Variants in MAP3K5 observed in about 807,000 individuals in gnomAD.
The protein encoded by MAP3K5 is mitogen-activated protein kinase kinase kinase 5.
Under a neutral mutation model 158.7 loss-of-function variants are expected in MAP3K5, and 56 were observed. The observed-to-expected ratio is 0.35, with a 90% confidence interval of 0.28 to 0.44. The LOEUF is 0.44. Among genes scored for constraint, MAP3K5 ranks in the 20% least tolerant of loss-of-function variants. The pLI is 1.00. For synonymous variants in MAP3K5, 579 were observed against 601.7 expected, an observed-to-expected ratio of 0.96 and a Z score of 0.55; for missense variants, 1,294 against 1,674.8, an observed-to-expected ratio of 0.77 and a Z score of 3.97.
rs374593362 is a variant in MAP3K5, at chr6:136,659,365, A to G, written c.1380T>C (p.Ser460=). The part of the protein sequence containing the change: ...FELRKVGVKL[S]SLLGKKGNLE... ...AGTTTCCCTTTTTACCAAGAAGACT[A>G]CTTAGCTTCACCCCTAGAATACAAA... The change falls in exon 9 of 30, where the codon AGT becomes AGC. Residue 460 remains serine, a synonymous_variant. Coordinates refer to ENST00000359015, the MANE Select transcript of MAP3K5 (RefSeq NM_005923.4). 3.1e-6 allele frequency: 5 copies of G among 1,613,878 alleles called. No homozygotes were observed. The highest frequency in any genetic ancestry group is 4.2e-6 in the Non-Finnish European group (5 of 1,180,008).
chr6:136,598,718 G>C lies in MAP3K5; in HGVS notation c.2878+2304C>G, dbSNP rs950664395. ...GGAGGTAGAGAACCTTGAGAGGTGG[G>C]CCTGTGCTCTGGACAGAAACACATA... On this transcript the variant is annotated intron_variant, in intron 21 of 29. Coordinates refer to ENST00000359015, the MANE Select transcript of MAP3K5 (RefSeq NM_005923.4). 3.3e-5 allele frequency among the ~76,000 whole-genome samples: 5 copies of C among 152,280 alleles called. No individual in the cohort carries two copies. In the East Asian group the frequency reaches 5.8e-4, roughly 18 times the overall value.
chr6:136,658,318 T>C (rs1168738810), intron 9 of MAP3K5, among the ~76,000 whole-genome samples: 4 of 140,234 alleles, frequency 2.9e-5, no homozygotes, highest in African/African-American at 8.0e-5. Flanking sequence ...TCTTTCTTTT[T>C]TTTTTTTTTT....
At chr6:136,692,011 A>T (rs1173007679) in intron 7 of MAP3K5, among the ~76,000 whole-genome samples, 1 of 151,950 alleles carries the variant, frequency 6.6e-6, no homozygotes, top group African/African-American at 2.4e-5. Flanking sequence ...CTTAATTATG[A>T]ATCACACTTT....
intron 1 of MAP3K5, among the ~76,000 whole-genome samples, chr6:136,752,988 A>C (rs533606213): frequency 2.0e-4 from 30 of 152,200 alleles, no homozygotes; most frequent in African/African-American, 6.7e-4. Context: ...ACCACCCCAT[A>C]GTTCTTGCCC....
At chr6:136,576,482 A>AT (rs1472860553) in intron 25 of MAP3K5, among the ~76,000 whole-genome samples, 1 of 151,788 alleles carries the variant, frequency 6.6e-6, no homozygotes, top group Admixed American at 6.6e-5. Context: ...ATTTATTTTT[A>AT]TTTTTTTAGA....
At chr6:136,730,174 GT>G (rs11347384) in intron 1 of MAP3K5, among the ~76,000 whole-genome samples, 12,197 of 71,078 alleles carry the variant, frequency 0.17, 1,562 homozygotes, top group African/African-American at 0.41. Context: ...TTTGTTTTTT[GT>G]TTTTGTAGAA....
intron 7 of MAP3K5, among the ~76,000 whole-genome samples, chr6:136,692,042 G>A (rs1191528916): frequency 6.6e-6 from 1 of 151,056 alleles, no homozygotes; most frequent in African/African-American, 2.4e-5. Flanking sequence ...CACCACTTTA[G>A]TAGTTGAGAG....
At chr6:136,583,531 A>G (rs1408567305) in intron 24 of MAP3K5, 24 bp downstream of exon 24, 2 of 1,587,310 alleles carry the variant, frequency 1.3e-6, no homozygotes, top group Admixed American at 1.8e-5. Context: ...GTGTGGGAAA[A>G]CACTGGCAAA....
chr6:136,719,738 C>T (rs1475411737), intron 2 of MAP3K5, among the ~76,000 whole-genome samples: 1 of 152,096 alleles, frequency 6.6e-6, no homozygotes, highest in East Asian at 1.9e-4. Flanking sequence ...GAGAAAAAGC[C>T]ACATGAAGCT....
intron 1 of MAP3K5, among the ~76,000 whole-genome samples, chr6:136,754,012 C>T (rs909912803): frequency 4.6e-5 from 7 of 152,190 alleles, no homozygotes; most frequent in African/African-American, 9.7e-5. Flanking sequence ...CAGTGGCTCA[C>T]GCCTGTAATC....
intron 25 of MAP3K5, among the ~76,000 whole-genome samples, chr6:136,573,776 G>T (rs1173036157): frequency 2.0e-5 from 3 of 152,158 alleles, no homozygotes; most frequent in South Asian, 2.1e-4. Flanking sequence ...GAAAGACTGG[G>T]ACTCAAGGGG....
chr6:136,574,006 C>T (rs1316219977), intron 25 of MAP3K5, among the ~76,000 whole-genome samples: 1 of 151,732 alleles, frequency 6.6e-6, no homozygotes, highest in Non-Finnish European at 1.5e-5. Flanking sequence ...TCTTGGCTCA[C>T]TGCAACCTCC....
chr6:136,773,956 C>T (rs1488367388), intron 1 of MAP3K5, among the ~76,000 whole-genome samples: 3 of 152,126 alleles, frequency 2.0e-5, no homozygotes, highest in Admixed American at 6.6e-5. Context: ...CACCATGCCC[C>T]GCCGTCCATC....
chr6:136,695,887 T>C, intron 6 of MAP3K5, 64 bp downstream of exon 6: 1 of 931,468 alleles, frequency 1.1e-6, no homozygotes. Context: ...ACATTCTCTG[T>C]AAAGAATTGC....
intron 7 of MAP3K5, 85 bp from the exon 8 acceptor site, chr6:136,669,480 T>C (rs1779375004): frequency 2.6e-6 from 2 of 766,168 alleles, no homozygotes; most frequent in East Asian, 2.5e-5. Flanking sequence ...ATAACTCCAA[T>C]GCCTGAGCAA....
intron 5 of MAP3K5, among the ~76,000 whole-genome samples, chr6:136,696,715 A>G (rs1780613772): frequency 6.6e-6 from 1 of 152,240 alleles, no homozygotes. Context: ...TAAAAATGAT[A>G]TAACCTGTTA....
At position 136,609,190 on chromosome 6, in the gene MAP3K5, T is replaced by A. The variant is rs1776226549; in HGVS notation, c.2521+2092A>T. On this transcript the variant is annotated intron_variant, in intron 18 of 29. Transcript: ENST00000359015. The surrounding 1 kb of genome is among the most constrained non-coding windows in gnomAD (Gnocchi z 4.4). ...AACGAGGGATTTTCCTCTCAGAAATTACTGAGTCTTGACAGCACTGAAACT... is the reference window on the plus strand; with the variant it reads ...AACGAGGGATTTTCCTCTCAGAAATAACTGAGTCTTGACAGCACTGAAACT... Among the ~76,000 whole-genome samples, 1 of 152,206 alleles carries A rather than the reference T, an allele frequency of 6.6e-6. No individual in the cohort carries two copies. The highest frequency in any genetic ancestry group is 1.5e-5 in the Non-Finnish European group (1 of 68,030).
chr6:136,676,470 T>C (rs1245852444), intron 7 of MAP3K5, among the ~76,000 whole-genome samples: 1 of 152,194 alleles, frequency 6.6e-6, no homozygotes, highest in African/African-American at 2.4e-5. Context: ...CTGTGTTACA[T>C]CTTAATGTTA....
chr6:136,655,707 A>AGTGTGT (rs61536898), intron 10 of MAP3K5, among the ~76,000 whole-genome samples: 1,609 of 149,984 alleles, frequency 0.011, 11 homozygotes, highest in Non-Finnish European at 0.017. Flanking sequence ...ATTTTTTTAA[A>AGTGTGT]GTGTGTGTGT....
Sources: allele counts gnomAD v4.1 joint callset (sites outside exome capture counted in the v4.1 genomes callset), GRCh38; gene constraint gnomAD v4.1.1; non-coding constraint Gnocchi (gnomAD v3.1); transcripts MANE v1.5; gene names NCBI Gene and HGNC (gene_info 2026-07-23, HGNC 2026-07-21).